Variants in PLEKHA5 observed in about 807,000 individuals in gnomAD.
PLEKHA5 encodes pleckstrin homology domain-containing family A member 5.
PLEKHA5 carries 55 observed loss-of-function variants against 181.9 expected under a neutral mutation model. The ratio of observed to expected loss-of-function variants is 0.30; its 90% CI spans 0.24 to 0.38. The LOEUF is 0.38. Among genes scored for constraint, PLEKHA5 ranks in the 10% least tolerant of loss-of-function variants. The pLI is 1.00. For missense variants in PLEKHA5, 1,432 were observed against 1,549.5 expected, an observed-to-expected ratio of 0.92 and a Z score of 1.27; for synonymous variants, 535 against 529.4, an observed-to-expected ratio of 1.01 and a Z score of -0.15.
chr12:19,343,951 C>T (rs1011612558), intron 22 of PLEKHA5, among the ~76,000 whole-genome samples: 1 of 151,702 alleles, frequency 6.6e-6, no homozygotes, highest in Non-Finnish European at 1.5e-5. Context: ...ACTCAGGAAG[C>T]TTAGACAGGA....
intron 3 of PLEKHA5, among the ~76,000 whole-genome samples, chr12:19,138,666 G>C (rs185330008): frequency 7.8e-4 from 118 of 152,212 alleles, no homozygotes; most frequent in African/African-American, 2.7e-3. Flanking sequence ...ACGACTTGAA[G>C]AGGTGGGAGT....
intron 11 of PLEKHA5, among the ~76,000 whole-genome samples, chr12:19,282,645 T>C (rs2076423430): frequency 6.6e-6 from 1 of 152,128 alleles, no homozygotes; most frequent in Admixed American, 6.5e-5. Context: ...TGTATAAAAA[T>C]GAGAGTTTAT....
chr12:19,270,029 G>C (rs2072105607), intron 9 of PLEKHA5, 144 bp downstream of exon 9: 2 of 627,824 alleles, frequency 3.2e-6, no homozygotes, highest in South Asian at 4.6e-5. Flanking sequence ...ATCAATTCCT[G>C]TTCTGAATTA....
At chr12:19,168,476 G>A (rs1352425273) in intron 3 of PLEKHA5, among the ~76,000 whole-genome samples, 3 of 148,710 alleles carry the variant, frequency 2.0e-5, no homozygotes, top group African/African-American at 4.9e-5. Flanking sequence ...CAAATTGAAG[G>A]CAGTTTATTG....
In PLEKHA5 at chr12:19,358,263, G is replaced by A; in HGVS notation, c.3174G>A (p.Leu1058=). ...RPRSAVEQLC[L]AESTRPRMTV... Reference sequence around the variant, plus strand: ...GAAGTGCAGTGGAACAGCTCTGTTTGGCTGAAAGTACTCGACCAAGGATGA... The same window carrying A: ...GAAGTGCAGTGGAACAGCTCTGTTTAGCTGAAAGTACTCGACCAAGGATGA... Residue 1058 remains leucine (L), a synonymous_variant, in exon 27 of 32, where the codon TTG becomes TTA. Coordinates refer to ENST00000429027, the MANE Select transcript of PLEKHA5 (RefSeq NM_001256470.2). 6.2e-7 allele frequency: 1 copy of A among 1,613,876 alleles called. No homozygotes were observed. Among genetic ancestry groups the A allele is most frequent in the South Asian group, 1.1e-5 (1 of 91,080 alleles).
At chr12:19,179,715 G>A (rs113601850) in intron 3 of PLEKHA5, among the ~76,000 whole-genome samples, 2,624 of 152,170 alleles carry the variant, frequency 0.017, 92 homozygotes, top group African/African-American at 0.06. Context: ...TGTTTAGAGC[G>A]TAAATTTTTC....
intron 20 of PLEKHA5, among the ~76,000 whole-genome samples, chr12:19,331,642 G>A (rs1384949008): frequency 6.6e-6 from 1 of 152,068 alleles, no homozygotes; most frequent in Non-Finnish European, 1.5e-5. Flanking sequence ...CCGCACAGTG[G>A]CCAAGTCTTG....
intron 17 of PLEKHA5, among the ~76,000 whole-genome samples, 183 bp from the exon 18 acceptor site, chr12:19,320,379 A>G (rs138945246): frequency 6.6e-6 from 1 of 152,044 alleles, no homozygotes; most frequent in Non-Finnish European, 1.5e-5. Context: ...ATATTATATC[A>G]CTGTTAAGTA....
chr12:19,149,638 G>A (rs960883188), intron 3 of PLEKHA5: 3 of 152,328 alleles, frequency 2.0e-5, no homozygotes, highest in Admixed American at 6.6e-5. Context: ...TTTCTGTGGG[G>A]CCTGCTCTTA....
intron 3 of PLEKHA5, among the ~76,000 whole-genome samples, chr12:19,161,333 C>A (rs2042920764): frequency 6.6e-6 from 1 of 152,040 alleles, no homozygotes; most frequent in Non-Finnish European, 1.5e-5. Context: ...ATCATTGGTT[C>A]TTCACTGGAA....
intron 3 of PLEKHA5, among the ~76,000 whole-genome samples, chr12:19,160,572 A>G (rs1190712419): frequency 6.6e-6 from 1 of 152,150 alleles, no homozygotes; most frequent in Non-Finnish European, 1.5e-5. Flanking sequence ...CTTCCTATAC[A>G]TTTATATAAT....
At chr12:19,247,833 G>A (rs1334484285) in intron 3 of PLEKHA5, among the ~76,000 whole-genome samples, 1 of 151,518 alleles carries the variant, frequency 6.6e-6, no homozygotes, top group Admixed American at 6.6e-5. Context: ...ATCAAGTTGA[G>A]CTTGTAAATA....
rs180917316 is a variant in PLEKHA5 at position 19,332,752 on chromosome 12, C to G, written c.2449-3763C>G. Among the ~76,000 whole-genome samples the G allele has an allele frequency of 1.1e-4, 17 of 152,332 alleles. No individual in the cohort carries two copies. The East Asian group carries it at 2.7e-3, about 24-fold the overall frequency. On this transcript the variant is annotated intron_variant, in intron 20 of 31. Coordinates refer to ENST00000429027, the MANE Select transcript of PLEKHA5 (RefSeq NM_001256470.2). ...AATCTCAGCTCACTGCAACCTGCAC[C>G]TCGCTCAAGCGATCCTCTCACCTCA...
rs150289434 is a variant in PLEKHA5 at position 19,369,696 on chromosome 12, A to C, written c.3758A>C (p.Lys1253Thr). The change falls in exon 31 of 32, where the codon AAA becomes ACA. Residue 1253 changes from lysine (K) to threonine (T), a missense_variant. Around this residue, in one of 2 missense-constraint regions of PLEKHA5, gnomAD observed 1,143 missense variants for 1,168.4 expected, o/e 0.98. Coordinates refer to ENST00000429027, the MANE Select transcript of PLEKHA5 (RefSeq NM_001256470.2). ...VSRGNQTMAV[K>T]SLSPSPESSA... ...CCATTTTCTTTGTGTGTTTTAGTGAAAAGTCTGTCCCCATCTCCTGAGTCC... is the reference window on the plus strand; with the variant it reads ...CCATTTTCTTTGTGTGTTTTAGTGACAAGTCTGTCCCCATCTCCTGAGTCC... 1.3e-6 allele frequency: 2 copies of C among 1,599,750 alleles called. No homozygotes were observed. The highest frequency in any genetic ancestry group is 2.3e-5 in the South Asian group (2 of 88,870).
intron 21 of PLEKHA5, among the ~76,000 whole-genome samples, chr12:19,341,397 A>G (rs1425207999): frequency 2.0e-5 from 3 of 152,160 alleles, no homozygotes; most frequent in Admixed American, 1.3e-4. Flanking sequence ...GTGTCTATAC[A>G]TATATATATC....
intron 3 of PLEKHA5, among the ~76,000 whole-genome samples, chr12:19,232,186 A>G (rs182862856): frequency 6.6e-6 from 1 of 152,274 alleles, no homozygotes; most frequent in Admixed American, 6.5e-5. Context: ...CTGTTGTGCA[A>G]GATAGTTTAT....
intron 3 of PLEKHA5, among the ~76,000 whole-genome samples, chr12:19,250,583 C>T (rs1285876431): frequency 6.6e-6 from 1 of 151,338 alleles, no homozygotes; most frequent in Admixed American, 6.6e-5. Flanking sequence ...AACTCCGTCT[C>T]CAAAAATAAA....
intron 22 of PLEKHA5, among the ~76,000 whole-genome samples, chr12:19,344,473 C>G (rs2094173761): frequency 6.6e-6 from 1 of 152,096 alleles, no homozygotes; most frequent in Non-Finnish European, 1.5e-5. Flanking sequence ...ATATATTTAT[C>G]CATTTCCATA....
intron 3 of PLEKHA5, among the ~76,000 whole-genome samples, chr12:19,168,953 A>G (rs1334697919): frequency 6.6e-6 from 1 of 152,202 alleles, no homozygotes; most frequent in African/African-American, 2.4e-5. Context: ...TTTTTCTGTA[A>G]AGTGAGCTTA....
Sources: gnomAD v4.1 joint callset for allele counts (sites outside exome capture counted in the v4.1 genomes callset) on GRCh38, gnomAD v4.1.1 for gene constraint, gnomAD v4.1.1 regional missense constraint, MANE v1.5 for transcripts, NCBI Gene and HGNC (gene_info 2026-07-23, HGNC 2026-07-21) for gene names.